NDRG4: variants seen among roughly 807,000 people sequenced by gnomAD.
NDRG4 encodes protein NDRG4.
NDRG4 carries 38 observed loss-of-function variants against 55.8 expected under a neutral mutation model. The ratio of observed to expected loss-of-function variants is 0.68; its 90% CI spans 0.53 to 0.89. The LOEUF (loss-of-function observed/expected upper bound fraction) is 0.89. NDRG4 is among the 40% of genes least tolerant of loss of function. The pLI, the probability that NDRG4 is intolerant of heterozygous loss-of-function variation, is 0.00. For synonymous variants in NDRG4, 190 were observed against 182.7 expected, an observed-to-expected ratio of 1.04 and a Z score of -0.32; for missense variants, 455 against 468.6, an observed-to-expected ratio of 0.97 and a Z score of 0.27.
rs1488626579 is a variant in NDRG4 at position 58,503,911 on chromosome 16, C to G, written c.127+8C>G. The stretch of plus-strand genomic sequence containing the variant: ...ATGATGTGGGCCTCAACCGTAAGTG[C>G]AGCCCAGCCTCAGTCAGCCCTCCTC... On this transcript the variant is annotated splice_region_variant and intron_variant, in intron 2 of 14. Coordinates refer to ENST00000570248, the MANE Select transcript of NDRG4 (RefSeq NM_001242835.2). The G allele has an allele frequency of 5.0e-6, 8 of 1,613,262 alleles. No homozygotes were observed. The highest frequency in any genetic ancestry group is 1.6e-4 in the Middle Eastern group (1 of 6,062).
At chr16:58,467,380 G>C (rs1045338700) in intron 1 of NDRG4, among the ~76,000 whole-genome samples, 1 of 152,118 alleles carries the variant, frequency 6.6e-6, no homozygotes. Flanking sequence ...GGTGGCGCAC[G>C]CCTGTAGTCC....
chr16:58,471,683 G>T (rs902825454), intron 1 of NDRG4, among the ~76,000 whole-genome samples: 2 of 152,116 alleles, frequency 1.3e-5, no homozygotes, highest in Non-Finnish European at 2.9e-5. Context: ...CAGCCAGAGT[G>T]ATCAGGTGTC....
At chr16:58,484,466 G>C (rs2034837011) in intron 1 of NDRG4, among the ~76,000 whole-genome samples, 1 of 152,240 alleles carries the variant, frequency 6.6e-6, no homozygotes. Context: ...GAGGCTTTGA[G>C]TGATTTGCTC....
At chr16:58,475,464 C>G in intron 1 of NDRG4, 1 of 361,884 alleles carries the variant, frequency 2.8e-6, no homozygotes, top group South Asian at 2.2e-5. Context: ...AAGCCCCACC[C>G]TTTCCTTTTT....
At chr16:58,497,339 GA>G (rs565949530), upstream of NDRG4, among the ~76,000 whole-genome samples, 145 of 150,616 alleles carry the variant, frequency 9.6e-4, no homozygotes, top group Non-Finnish European at 1.8e-3. Flanking sequence ...AGAAGAAGAA[GA>G]AAAAAAAAGA....
intron 1 of NDRG4, chr16:58,472,404 G>A (rs755307286): frequency 3.3e-5 from 5 of 152,300 alleles, no homozygotes; most frequent in Non-Finnish European, 5.9e-5. Context: ...AATTACCCTG[G>A]AGTAGAGCAT....
In NDRG4 at chr16:58,512,194, T is replaced by G. The variant is rs1597364400; in HGVS notation, c.*618T>G. ...TTCTCTGCCCAAGGAAGACAGAACA[T>G]GGAGAACCGTCAGGGCAGGAACCCC... On this transcript the variant is annotated 3_prime_UTR_variant, in exon 15 of 15. Coordinates refer to ENST00000570248, the MANE Select transcript of NDRG4 (RefSeq NM_001242835.2). 6.9e-6 allele frequency: 3 copies of G among 436,654 alleles called. No individual in the cohort carries two copies. In the East Asian group the frequency reaches 2.1e-4, roughly 30 times the overall value. The allele number at this position is 436,654 out of a possible 1,614,324, so 27.0% of individuals were successfully genotyped here.
chr16:58,480,808 T>C (rs2034292795), intron 1 of NDRG4, among the ~76,000 whole-genome samples: 1 of 151,630 alleles, frequency 6.6e-6, no homozygotes, highest in South Asian at 2.1e-4. Flanking sequence ...GATGATAGAG[T>C]CCCAGCCTGG....
chr16:58,504,499 G>T, intron 4 of NDRG4, 78 bp downstream of exon 4: 3 of 1,611,766 alleles, frequency 1.9e-6, no homozygotes, highest in Non-Finnish European at 2.5e-6. Flanking sequence ...TCCAGCTGAG[G>T]GCTTCAGGCT....
chr16:58,515,172 C>T (rs1010018571), downstream of NDRG4, among the ~76,000 whole-genome samples: 1 of 152,218 alleles, frequency 6.6e-6, no homozygotes, highest in Non-Finnish European at 1.5e-5. Flanking sequence ...CCAGTTGCGT[C>T]GCTCACCACC....
chr16:58,486,295 G>A (rs2035066742), intron 1 of NDRG4, among the ~76,000 whole-genome samples: 1 of 152,012 alleles, frequency 6.6e-6, no homozygotes, highest in African/African-American at 2.4e-5. Context: ...CTGAGTAGCT[G>A]GGACCACAGG....
chr16:58,482,560 G>C (rs1444055573), intron 1 of NDRG4, among the ~76,000 whole-genome samples: 2 of 152,046 alleles, frequency 1.3e-5, no homozygotes, highest in Non-Finnish European at 2.9e-5. Context: ...CTGAATGTAG[G>C]ACCCCCAGTC....
At chr16:58,507,513 TAG>T (rs2038202594) in intron 8 of NDRG4, 3 of 481,452 alleles carry the variant, frequency 6.2e-6, no homozygotes, top group East Asian at 3.2e-5. Flanking sequence ...CAATAGAGAA[TAG>T]AGAGACCCAG....
At chr16:58,509,248 C>CTAG in intron 12 of NDRG4, 53 bp from the exon 13 acceptor site, 2 of 1,613,734 alleles carry the variant, frequency 1.2e-6, no homozygotes, top group Non-Finnish European at 1.7e-6. Flanking sequence ...CTCTACCCTA[C>CTAG]CTGCTAATCC....
chr16:58,507,130 C>T (rs1005180292), intron 8 of NDRG4, 115 bp downstream of exon 8: 29 of 770,920 alleles, frequency 3.8e-5, no homozygotes, highest in East Asian at 1.1e-4. Flanking sequence ...TAGATGGGCA[C>T]GATATTGGGC....
At chr16:58,481,303 G>A (rs1567578511) in intron 1 of NDRG4, among the ~76,000 whole-genome samples, 1 of 152,174 alleles carries the variant, frequency 6.6e-6, no homozygotes, top group Non-Finnish European at 1.5e-5. Flanking sequence ...GATATGATGG[G>A]GAAAGGCACT....
intron 10 of NDRG4, among the ~76,000 whole-genome samples, chr16:58,508,583 G>C (rs1392905383): frequency 6.6e-6 from 1 of 152,162 alleles, no homozygotes; most frequent in Non-Finnish European, 1.5e-5. Flanking sequence ...TGGAAGAGCA[G>C]GGTGGTGGGC....
chr16:58,490,095 G>A (rs145804731), intron 2 of NDRG4, among the ~76,000 whole-genome samples: 3 of 152,320 alleles, frequency 2.0e-5, no homozygotes, highest in Non-Finnish European at 4.4e-5. Context: ...TCCTACCTCA[G>A]CCTTCCTAAG....
intron 1 of NDRG4, among the ~76,000 whole-genome samples, chr16:58,468,879 A>G (rs1264318727): frequency 6.6e-6 from 1 of 152,142 alleles, no homozygotes; most frequent in African/African-American, 2.4e-5. Flanking sequence ...AAAGTGGGAC[A>G]CTGGTCTTTT....
Sources: gnomAD v4.1 joint callset for allele counts (sites outside exome capture counted in the v4.1 genomes callset) on GRCh38, gnomAD v4.1.1 for gene constraint, MANE v1.5 for transcripts, NCBI Gene and HGNC (gene_info 2026-07-23, HGNC 2026-07-21) for gene names.